The following ARHGAP10 variants were observed in gnomAD, a reference collection of about 807,000 sequenced individuals.
ARHGAP10 encodes the protein rho GTPase-activating protein 10.
ARHGAP10 carries 87 observed loss-of-function variants against 108.6 expected under a neutral mutation model. The observed-to-expected ratio is 0.80, with a 90% CI of 0.67 to 0.96. ARHGAP10 has a LOEUF of 0.96. ARHGAP10 is among the 40% of genes least tolerant of loss of function. ARHGAP10 has a pLI of 0.00. For synonymous variants in ARHGAP10, 347 were observed against 341.1 expected (o/e 1.02, Z -0.19); for missense variants, 939 against 954.5 (o/e 0.98, Z 0.21).
intron 1 of ARHGAP10, among the ~76,000 whole-genome samples, chr4:147,800,308 G>GC (rs1209724861): frequency 1.3e-5 from 2 of 152,178 alleles, no homozygotes; most frequent in Non-Finnish European, 2.9e-5. Flanking sequence ...CTCTACCTGT[G>GC]CCCCACGGTT....
At chr4:147,922,071 G>A (rs972508821) in intron 13 of ARHGAP10, among the ~76,000 whole-genome samples, 5 of 152,106 alleles carry the variant, frequency 3.3e-5, no homozygotes, top group Admixed American at 3.3e-4. Context: ...GCTGAGTTCT[G>A]CAGGGCAAGA....
At chr4:147,815,076 G>A (rs1011230154) in intron 1 of ARHGAP10, among the ~76,000 whole-genome samples, 7 of 152,120 alleles carry the variant, frequency 4.6e-5, no homozygotes, top group Non-Finnish European at 8.8e-5. Context: ...GTCTCACTAG[G>A]TGTTGGCATA....
At chr4:147,893,513 TA>T (rs1735872105) in intron 10 of ARHGAP10, among the ~76,000 whole-genome samples, 1 of 147,714 alleles carries the variant, frequency 6.8e-6, no homozygotes, top group South Asian at 2.1e-4. Context: ...AAAGGTATAA[TA>T]AGAATATATA....
At chr4:147,959,591 C>T (rs911441099) in intron 16 of ARHGAP10, among the ~76,000 whole-genome samples, 2 of 151,870 alleles carry the variant, frequency 1.3e-5, no homozygotes, top group Middle Eastern at 3.2e-3. Flanking sequence ...TTGTTCAATT[C>T]CCACCTATGA....
intron 3 of ARHGAP10, among the ~76,000 whole-genome samples, chr4:147,836,194 A>T (rs75236996): frequency 0.03 from 4,545 of 152,296 alleles, 215 homozygotes; most frequent in African/African-American, 0.1. Context: ...TAGAAGATAG[A>T]TACTAAGAGA....
At chr4:147,947,905 C>G (rs1261500650) in intron 15 of ARHGAP10, among the ~76,000 whole-genome samples, 1 of 151,294 alleles carries the variant, frequency 6.6e-6, no homozygotes, top group Non-Finnish European at 1.5e-5. Context: ...TATCAACATT[C>G]CATCCTTCTT....
chr4:147,803,828 A>G (rs1215511643), intron 1 of ARHGAP10, among the ~76,000 whole-genome samples: 3 of 152,086 alleles, frequency 2.0e-5, no homozygotes, highest in Non-Finnish European at 4.4e-5. Flanking sequence ...TTCTTTATCC[A>G]TTCATCCATT....
intron 19 of ARHGAP10, among the ~76,000 whole-genome samples, chr4:148,045,698 A>G (rs1040927524): frequency 3.8e-5 from 5 of 132,630 alleles, no homozygotes; most frequent in Non-Finnish European, 7.7e-5. Flanking sequence ...AGATCGCGCC[A>G]TTGCACTCCA....
intron 13 of ARHGAP10, among the ~76,000 whole-genome samples, chr4:147,926,889 CTAGATAA>C (rs1316921812): frequency 3.3e-5 from 5 of 152,020 alleles, no homozygotes; most frequent in Non-Finnish European, 7.4e-5. Context: ...GAAAGTCAAA[CTAGATAA>C]TAGCGAGGTT....
intron 1 of ARHGAP10, among the ~76,000 whole-genome samples, chr4:147,740,104 A>C (rs1304197154): frequency 1.4e-5 from 2 of 143,574 alleles, no homozygotes; most frequent in Non-Finnish European, 3.0e-5. Flanking sequence ...GCTGGAGTGC[A>C]GTGGTGTGAT....
intron 1 of ARHGAP10, among the ~76,000 whole-genome samples, chr4:147,734,464 C>G (rs186772005): frequency 6.6e-6 from 1 of 151,980 alleles, no homozygotes; most frequent in African/African-American, 2.4e-5. Flanking sequence ...CTTTTTTTCT[C>G]GTTATGTTCA....
At chr4:147,812,071 G>C (rs923737978) in intron 1 of ARHGAP10, among the ~76,000 whole-genome samples, 2 of 152,110 alleles carry the variant, frequency 1.3e-5, no homozygotes, top group Non-Finnish European at 2.9e-5. Flanking sequence ...CTGTTCTCTC[G>C]AGGCAACCTC....
chr4:148,019,648 G>A (rs1304087210), intron 18 of ARHGAP10, among the ~76,000 whole-genome samples: 1 of 152,030 alleles, frequency 6.6e-6, no homozygotes, highest in Non-Finnish European at 1.5e-5. Context: ...TACTCAGGAG[G>A]CTGAGGCAGG....
chr4:147,877,173 T>G (rs1032736753), intron 8 of ARHGAP10, among the ~76,000 whole-genome samples: 1 of 152,198 alleles, frequency 6.6e-6, no homozygotes, highest in South Asian at 2.1e-4. Context: ...GCATTTGGGC[T>G]AAGCTTAAAT....
rs75800990 is a variant in ARHGAP10, at chr4:148,017,426, G to C, written c.1717-5837G>C. Among the ~76,000 whole-genome samples, 1,003 of 152,036 alleles carry C rather than the reference G, an allele frequency of 6.6e-3. 8 individuals are homozygous for C. The highest frequency in any genetic ancestry group is 8.8e-3 in the Non-Finnish European group (598 of 67,994). ...TAAACAAGTAAAACTATGTTTACCA[G>C]GTATAGACAGTACCTGATACCCCCT... On this transcript the variant is annotated intron_variant, in intron 18 of 22. Transcript: ENST00000336498.
At chr4:147,951,340 A>AC (rs1399741363) in intron 15 of ARHGAP10, among the ~76,000 whole-genome samples, 1 of 147,960 alleles carries the variant, frequency 6.8e-6, no homozygotes. Flanking sequence ...TTTGAAACAA[A>AC]CCCCCTAAAG....
intron 19 of ARHGAP10, among the ~76,000 whole-genome samples, chr4:148,039,445 C>T (rs1728535807): frequency 6.9e-6 from 1 of 145,230 alleles, no homozygotes; most frequent in Non-Finnish European, 1.5e-5. Flanking sequence ...GCACCCACCA[C>T]CACGCCTGGC....
chr4:147,864,638 G>A, intron 5 of ARHGAP10: 1 of 485,956 alleles, frequency 2.1e-6, no homozygotes, highest in Non-Finnish European at 3.6e-6. Flanking sequence ...TAAAGTTCCT[G>A]TTGCACCTGC....
chr4:147,927,352 C>T (rs1438736151), intron 13 of ARHGAP10, among the ~76,000 whole-genome samples: 3 of 152,196 alleles, frequency 2.0e-5, no homozygotes, highest in Non-Finnish European at 4.4e-5. Context: ...GAAGGTGCAT[C>T]CTTGGCCCAA....
Sources: gnomAD v4.1 joint callset for allele counts (sites outside exome capture counted in the v4.1 genomes callset) on GRCh38, gnomAD v4.1.1 for gene constraint, MANE v1.5 for transcripts, NCBI Gene and HGNC (gene_info 2026-07-23, HGNC 2026-07-21) for gene names.